CFAP20DC: variants seen among roughly 807,000 people sequenced by gnomAD.
CFAP20DC encodes CFAP20 domain containing.
In CFAP20DC, 84 loss-of-function variants were observed where a neutral mutation model predicts 101.7. That is an observed-to-expected ratio of 0.83 (90% CI 0.69 to 0.99). The LOEUF is 0.99. Ranked by LOEUF, CFAP20DC falls within the 50% of genes least tolerant of loss-of-function variation. The pLI, the probability that CFAP20DC is intolerant of heterozygous loss-of-function variation, is 0.00. For synonymous variants in CFAP20DC, 359 were observed against 351.2 expected (o/e 1.02, Z -0.25); for missense variants, 1,007 against 970.3 (o/e 1.04, Z -0.50).
rs368955748 is a variant in CFAP20DC, at chr3:58,925,223, T to C, written c.394-11359A>G. ...GCTGGACATTGTGACTACTGTGTTGTTGAGTTTCTAGATGTTGTTATCATT... is the reference window on the plus strand; with the variant it reads ...GCTGGACATTGTGACTACTGTGTTGCTGAGTTTCTAGATGTTGTTATCATT... On this transcript the variant is annotated intron_variant, in intron 5 of 16. Coordinates refer to ENST00000482387, the MANE Select transcript of CFAP20DC (RefSeq NM_001394063.1). Among the ~76,000 whole-genome samples, 11 of 152,292 alleles carry C rather than the reference T, an allele frequency of 7.2e-5. No individual in the cohort carries two copies. The East Asian group carries it at 1.9e-3, about 27-fold the overall frequency.
At chr3:58,745,923 T>C (rs574297755) in intron 16 of CFAP20DC, among the ~76,000 whole-genome samples, 3 of 152,164 alleles carry the variant, frequency 2.0e-5, no homozygotes, top group Non-Finnish European at 4.4e-5. Context: ...GTACCTGTCA[T>C]TGTTCCTATG....
intron 15 of CFAP20DC, among the ~76,000 whole-genome samples, chr3:58,782,267 T>A (rs1175800646): frequency 1.3e-5 from 2 of 151,862 alleles, no homozygotes; most frequent in African/African-American, 4.8e-5. Context: ...AAACTAGGCA[T>A]AGAAATAATA....
rs2093432310 is a variant in CFAP20DC at position 59,006,282 on chromosome 3, T to C, written c.278+33275A>G. ...ACGTTAAAAAGCCATCAGAAGGAGA[T>C]GGGAGGAAGATGGTGCCCAGGAGGC... On this transcript the variant is annotated intron_variant, in intron 4 of 16. Coordinates refer to ENST00000482387, the MANE Select transcript of CFAP20DC (RefSeq NM_001394063.1). This position sits in a 1 kb window ranked among gnomAD's most constrained non-coding sequence, Gnocchi z 4.3. Among the ~76,000 whole-genome samples the C allele has an allele frequency of 6.6e-6, 1 of 152,006 alleles. No homozygotes were observed. Among genetic ancestry groups the C allele is most frequent in the Non-Finnish European group, 1.5e-5 (1 of 67,996 alleles).
rs192070968 is a variant in CFAP20DC, at chr3:58,726,985, C to G, written c.198-9357G>C. The G allele has an allele frequency of 4.4e-5, 12 of 270,776 alleles. No homozygotes were observed. The East Asian group carries it at 1.4e-3, about 31-fold the overall frequency. The allele number at this position is 270,776 out of a possible 1,614,324, so 16.8% of individuals were successfully genotyped here. ...AGCGACCCATCCCTTCCACTCACAC[C>G]ATCAGAACAGATGAGAATGACCCAT... On this transcript the variant is annotated intron_variant, in intron 3 of 3. Transcript: ENST00000486145.
chr3:58,717,334 C>G (rs1309927232), downstream of CFAP20DC: 2 of 224,204 alleles, frequency 8.9e-6, no homozygotes, highest in African/African-American at 4.7e-5. The surrounding 1 kb of genome is among the most constrained non-coding windows in gnomAD (Gnocchi z 4.1). Context: ...GCCGTCCACA[C>G]TCACAAAGCA....
At chr3:58,885,705 C>T (rs1351254501) in intron 6 of CFAP20DC, among the ~76,000 whole-genome samples, 7 of 151,432 alleles carry the variant, frequency 4.6e-5, no homozygotes, top group African/African-American at 9.7e-5. Context: ...AGTGAGAACA[C>T]GTGGCATTCA....
At chr3:59,000,895 T>C (rs1370751189) in intron 4 of CFAP20DC, among the ~76,000 whole-genome samples, 1 of 152,098 alleles carries the variant, frequency 6.6e-6, no homozygotes, top group African/African-American at 2.4e-5. Flanking sequence ...GAACTCAAAT[T>C]AAGGTCACTG....
At chr3:58,927,912 C>G (rs998187320) in intron 5 of CFAP20DC, among the ~76,000 whole-genome samples, 2 of 152,098 alleles carry the variant, frequency 1.3e-5, no homozygotes, top group Admixed American at 1.3e-4. Flanking sequence ...AAGGAAAGAC[C>G]CTCTGCTGCC....
Position 58,921,509 on chromosome 3 carries a change from G to C in CFAP20DC, c.394-7645C>G, listed in dbSNP as rs72881690. On this transcript the variant is annotated intron_variant, in intron 5 of 16. Transcript: ENST00000482387. Reference sequence around the variant, plus strand: ...TTTTTTTTTACATATAGATGACTTAGAAGTATGTTACTTTATTTCAAAGTG... The same window carrying C: ...TTTTTTTTTACATATAGATGACTTACAAGTATGTTACTTTATTTCAAAGTG... Among the ~76,000 whole-genome samples, 462 of 152,126 alleles carry C rather than the reference G, an allele frequency of 3.0e-3. 6 individuals are homozygous for C. The highest frequency in any genetic ancestry group is 0.01 in the African/African-American group (431 of 41,498).
chr3:58,816,108 C>A (rs1488052217), intron 14 of CFAP20DC, among the ~76,000 whole-genome samples: 1 of 151,758 alleles, frequency 6.6e-6, no homozygotes, highest in Non-Finnish European at 1.5e-5. Flanking sequence ...TGGGAACCAA[C>A]CCAAATGTCC....
At chr3:58,860,414 T>C (rs772793074) in intron 12 of CFAP20DC, among the ~76,000 whole-genome samples, 17 of 152,124 alleles carry the variant, frequency 1.1e-4, no homozygotes, top group South Asian at 6.2e-4. Context: ...CAGGCTTCCA[T>C]AGAGTTAGAA....
At chr3:59,023,484 G>A (rs1049839906) in intron 4 of CFAP20DC, among the ~76,000 whole-genome samples, 2 of 152,078 alleles carry the variant, frequency 1.3e-5, no homozygotes, top group African/African-American at 4.8e-5. Flanking sequence ...ATGGGATTAG[G>A]TTGGATGAAA....
chr3:58,764,057 A>G (rs556070956), intron 15 of CFAP20DC, among the ~76,000 whole-genome samples: 2 of 152,232 alleles, frequency 1.3e-5, no homozygotes, highest in African/African-American at 4.8e-5. Context: ...TACTCTCTTC[A>G]AAGCTGTCAG....
Position 58,861,793 on chromosome 3 carries a change from C to T in CFAP20DC, c.1593+1765G>A, listed in dbSNP as rs536755642. On this transcript the variant is annotated intron_variant, in intron 12 of 16. Transcript: ENST00000482387. The surrounding 1 kb of genome is among the most constrained non-coding windows in gnomAD (Gnocchi z 4.0). The stretch of plus-strand genomic sequence containing the variant: ...GGATGGTCTCACCACAGACTCTAGC[C>T]GTATGCTACTGGTCACCTTGATGGG... The T allele has an allele frequency of 2.9e-5, 29 of 985,396 alleles. No homozygotes were observed. The highest frequency in any genetic ancestry group is 1.1e-4 in the East Asian group (1 of 8,808). 61.0% of individuals were successfully genotyped at this position (985,396 alleles called of 1,614,324 possible). A position where few individuals can be genotyped will look rare whatever the true frequency, so the allele number is the denominator to read the frequency against.
At chr3:58,927,401 T>G (rs904941552) in intron 5 of CFAP20DC, among the ~76,000 whole-genome samples, 2 of 152,038 alleles carry the variant, frequency 1.3e-5, no homozygotes, top group African/African-American at 4.8e-5. Flanking sequence ...GGCAGAAAAC[T>G]GAAATGAGTG....
At chr3:58,926,540 G>T (rs1229597412) in intron 5 of CFAP20DC, among the ~76,000 whole-genome samples, 4 of 151,984 alleles carry the variant, frequency 2.6e-5, no homozygotes, top group African/African-American at 9.7e-5. Flanking sequence ...ATTTCTAAAC[G>T]ACCTTTTGTC....
chr3:58,828,872 A>G (rs1008867784), intron 14 of CFAP20DC, among the ~76,000 whole-genome samples: 2 of 152,180 alleles, frequency 1.3e-5, no homozygotes, highest in African/African-American at 4.8e-5. Flanking sequence ...AAAAGTGCCA[A>G]GGCTGTGGTA....
chr3:58,948,720 T>C (rs1288188634), intron 4 of CFAP20DC, among the ~76,000 whole-genome samples: 1 of 152,238 alleles, frequency 6.6e-6, no homozygotes, highest in African/African-American at 2.4e-5. Context: ...TTTGCATCGA[T>C]GTTCATCAGG....
intron 4 of CFAP20DC, among the ~76,000 whole-genome samples, chr3:58,951,764 G>A (rs180825974): frequency 8.6e-4 from 131 of 152,188 alleles, no homozygotes; most frequent in African/African-American, 2.6e-3. Flanking sequence ...TTGTGGGGTG[G>A]GGGGAGAGGG....
Sources: allele counts gnomAD v4.1 joint callset (sites outside exome capture counted in the v4.1 genomes callset), GRCh38; gene constraint gnomAD v4.1.1; non-coding constraint Gnocchi (gnomAD v3.1); transcripts MANE v1.5; gene names NCBI Gene and HGNC (gene_info 2026-07-23, HGNC 2026-07-21).